Variants in SLC25A26 observed in about 807,000 individuals in gnomAD.
SLC25A26 encodes the protein solute carrier family 25 member 26.
Under a neutral mutation model 37.8 loss-of-function variants are expected in SLC25A26, and 36 were observed. The ratio of observed to expected loss-of-function variants is 0.95; its 90% CI spans 0.73 to 1.26. The LOEUF is 1.26. Ranked by LOEUF, SLC25A26 falls within the 50% of genes most tolerant of loss-of-function variation. SLC25A26 has a pLI of 0.00. For synonymous variants in SLC25A26, 129 were observed against 122.5 expected, an observed-to-expected ratio of 1.05 and a Z score of -0.35; for missense variants, 390 against 331.1, an observed-to-expected ratio of 1.18 and a Z score of -1.38.
At chr3:66,228,960 A>G (rs2071884630) in intron 1 of SLC25A26, among the ~76,000 whole-genome samples, 1 of 152,188 alleles carries the variant, frequency 6.6e-6, no homozygotes, top group East Asian at 1.9e-4. Flanking sequence ...CTTTTAATTC[A>G]TTATTGCTAG....
At chr3:66,218,632 A>G (rs2071396347), upstream of SLC25A26, among the ~76,000 whole-genome samples, 1 of 152,240 alleles carries the variant, frequency 6.6e-6, no homozygotes, top group African/African-American at 2.4e-5. Flanking sequence ...ACAATAGACT[A>G]TTGCTGGAAT....
At chr3:66,166,665 G>T (rs2070428938) in intron 1 of SLC25A26, among the ~76,000 whole-genome samples, 1 of 152,138 alleles carries the variant, frequency 6.6e-6, no homozygotes, top group African/African-American at 2.4e-5. Flanking sequence ...CTGTCTATTT[G>T]TAGCTTTTGT....
At chr3:66,209,894 CTATT>C (rs1183392559) in intron 1 of SLC25A26, among the ~76,000 whole-genome samples, 76 of 13,170 alleles carry the variant, frequency 5.8e-3, no homozygotes, top group Middle Eastern at 0.056. Flanking sequence ...CTCTCTCTCT[CTATT>C]TATATATATA....
At chr3:66,337,657 G>T (rs2076120902) in intron 5 of SLC25A26, among the ~76,000 whole-genome samples, 1 of 152,000 alleles carries the variant, frequency 6.6e-6, no homozygotes, top group Non-Finnish European at 1.5e-5. Flanking sequence ...GTTAATGACA[G>T]TTAACTTTGG....
chr3:66,192,537 T>C (rs916169335), intron 1 of SLC25A26, among the ~76,000 whole-genome samples: 86 of 152,232 alleles, frequency 5.6e-4, no homozygotes, highest in African/African-American at 1.9e-3. Context: ...TATTCTGTTA[T>C]AGCAGCCCAA....
chr3:66,293,505 GT>G (rs761582429), intron 5 of SLC25A26, among the ~76,000 whole-genome samples: 4,586 of 141,942 alleles, frequency 0.032, 90 homozygotes, highest in Middle Eastern at 0.07. Context: ...GTGCCCATTA[GT>G]TTTTTTTTTT....
chr3:66,236,205 ACTTTTTTTT>A (rs2072271114), intron 1 of SLC25A26, among the ~76,000 whole-genome samples: 1 of 60,694 alleles, frequency 1.6e-5, no homozygotes. Flanking sequence ...CCACATCTGG[ACTTTTTTTT>A]TTTTTTTTTT....
chr3:66,243,073 T>G, intron 2 of SLC25A26, 130 bp from the exon 3 acceptor site: 1 of 566,398 alleles, frequency 1.8e-6, no homozygotes, highest in South Asian at 2.4e-5. Flanking sequence ...GAAGAAAAGA[T>G]ATGTGCTTAT....
At chr3:66,156,194 G>A (rs1279898774) in intron 1 of SLC25A26, among the ~76,000 whole-genome samples, 1 of 152,192 alleles carries the variant, frequency 6.6e-6, no homozygotes. Flanking sequence ...AGGGCACAGT[G>A]CTGAGCACTG....
chr3:66,335,292 G>A (rs1342388354), intron 5 of SLC25A26, among the ~76,000 whole-genome samples: 1 of 152,140 alleles, frequency 6.6e-6, no homozygotes, highest in African/African-American at 2.4e-5. Context: ...GAATTAATTG[G>A]GAAAGCATTT....
intron 9 of SLC25A26, chr3:66,371,247 C>A: frequency 6.5e-7 from 1 of 1,546,308 alleles, no homozygotes; most frequent in Non-Finnish European, 8.7e-7. Context: ...GCAGTGGCCT[C>A]CCTTTGCAGA....
intron 5 of SLC25A26, chr3:66,293,239 A>G (rs887390463): frequency 9.2e-5 from 14 of 152,160 alleles, no homozygotes; most frequent in Non-Finnish European, 2.9e-5. Flanking sequence ...TTATTTTTAA[A>G]AAGTGTGCTT....
Position 66,378,589 on chromosome 3 carries a change from CA to C in SLC25A26, c.*783del, listed in dbSNP as rs1700821350. ...AAAAGGCAGGATGAAATGGAAAGGT[CA>C]CCACACTTAGGGATTTTAGACCTTG... is the stretch of plus-strand genomic sequence containing the variant. On this transcript the variant is annotated 3_prime_UTR_variant, in exon 10 of 10. Transcript: ENST00000354883. The C allele has an allele frequency of 6.6e-6, 1 of 152,440 alleles. No homozygotes were observed. The highest frequency in any genetic ancestry group is 2.1e-4 in the South Asian group (1 of 4,830). 9.4% of individuals were successfully genotyped at this position (152,440 alleles called of 1,614,324 possible).
At chr3:66,349,265 A>C (rs548616542) in intron 6 of SLC25A26, among the ~76,000 whole-genome samples, 1 of 152,116 alleles carries the variant, frequency 6.6e-6, no homozygotes, top group Admixed American at 6.5e-5. Flanking sequence ...CGCTTTACAT[A>C]TGATAAAACT....
intron 5 of SLC25A26, among the ~76,000 whole-genome samples, chr3:66,321,837 G>A (rs569947032): frequency 6.7e-6 from 1 of 149,650 alleles, no homozygotes; most frequent in Admixed American, 6.7e-5. Flanking sequence ...AGTCTGTTTT[G>A]TACTGCTATG....
intron 5 of SLC25A26, among the ~76,000 whole-genome samples, chr3:66,292,025 G>A (rs2074728388): frequency 7.2e-6 from 1 of 138,570 alleles, no homozygotes. Flanking sequence ...AGCTCTTCTT[G>A]TTGCGTTGAT....
At chr3:66,174,505 G>A (rs2070546146) in intron 1 of SLC25A26, among the ~76,000 whole-genome samples, 2 of 152,210 alleles carry the variant, frequency 1.3e-5, no homozygotes, top group African/African-American at 4.8e-5. Flanking sequence ...ATGAGGCTAG[G>A]CGTGGTGGCT....
At chr3:66,149,591 A>G (rs1053810906) in intron 1 of SLC25A26, among the ~76,000 whole-genome samples, 4 of 152,204 alleles carry the variant, frequency 2.6e-5, no homozygotes, top group African/African-American at 9.6e-5. Context: ...ATTTATTCCT[A>G]TAATAACCCT....
At chr3:66,151,482 G>A (rs2106692547) in intron 1 of SLC25A26, among the ~76,000 whole-genome samples, 1 of 152,234 alleles carries the variant, frequency 6.6e-6, no homozygotes, top group South Asian at 2.1e-4. Context: ...TGCGGTTCAA[G>A]GGAAAAAAAT....
Sources: allele counts gnomAD v4.1 joint callset (sites outside exome capture counted in the v4.1 genomes callset), GRCh38; gene constraint gnomAD v4.1.1; transcripts MANE v1.5; gene names NCBI Gene and HGNC (gene_info 2026-07-23, HGNC 2026-07-21).